Variants in RIC1 observed in about 807,000 individuals in gnomAD.
RIC1 encodes the protein RIC1 partner of RAB6A GEF complex.
Under a neutral mutation model 169.0 loss-of-function variants are expected in RIC1, and 88 were observed. The observed-to-expected ratio is 0.52, with a 90% CI of 0.44 to 0.62. The LOEUF (loss-of-function observed/expected upper bound fraction) is 0.62, where lower values mean the gene tolerates loss of function less well. RIC1 is among the 20% of genes least tolerant of loss of function. The probability of loss-of-function intolerance (pLI) is 0.00; values close to 1 mark genes in which losing one functional copy is unlikely to be tolerated. For missense variants in RIC1, 1,877 were observed against 1,725.5 expected (o/e 1.09, Z -1.56); for synonymous variants, 790 against 601.5 (o/e 1.31, Z -4.59).
chr9:5,632,885 A>C (rs1243272327), intron 1 of RIC1, among the ~76,000 whole-genome samples: 4 of 152,210 alleles, frequency 2.6e-5, no homozygotes, highest in Non-Finnish European at 5.9e-5. Flanking sequence ...GCCATTCTAA[A>C]TTAGATGTAT....
chr9:5,663,380 G>A (rs1280784618), intron 2 of RIC1, among the ~76,000 whole-genome samples: 1 of 152,064 alleles, frequency 6.6e-6, no homozygotes, highest in South Asian at 2.1e-4. Context: ...ATGAATATCT[G>A]TTAATTTTCT....
intron 1 of RIC1, among the ~76,000 whole-genome samples, chr9:5,640,640 A>T (rs1017802899): frequency 1.3e-5 from 2 of 152,200 alleles, no homozygotes; most frequent in African/African-American, 4.8e-5. Flanking sequence ...ACTCAAGTAG[A>T]AGGAGTTATA....
Position 5,763,518 on chromosome 9 carries a change from A to G in RIC1, c.2491A>G (p.Ile831Val). 1 of 1,614,144 alleles carries G rather than the reference A, an allele frequency of 6.2e-7. No individual in the cohort carries two copies. Among genetic ancestry groups the G allele is most frequent in the Non-Finnish European group, 8.5e-7 (1 of 1,180,018 alleles). The change falls in exon 19 of 26, where the codon ATT becomes GTT. Residue 831 changes from isoleucine (I) to valine (V), a missense_variant. Transcript: ENST00000414202. The surrounding 1 kb of genome is among the most constrained non-coding windows in gnomAD (Gnocchi z 5.2). ...AACCTCTCAGATCTACCTCCACCACATTCTACGTCAACTTCTGGTCAGAAA... is the reference window on the plus strand; with the variant it reads ...AACCTCTCAGATCTACCTCCACCACGTTCTACGTCAACTTCTGGTCAGAAA... ...ERTSQIYLHH[I>V]LRQLLVRNLG...
chr9:5,763,794 C>A lies in RIC1; in HGVS notation c.2767C>A (p.Pro923Thr). 6.2e-7 allele frequency: 1 copy of A among 1,614,156 alleles called. No homozygotes were observed. The highest frequency in any genetic ancestry group is 1.1e-5 in the South Asian group (1 of 91,076). Reference sequence around the variant, plus strand: ...TTACCTTTTTGCAGCTGTTGGAAACCCTAAGGACTTGTTTGAGGAGTGTTT... The same window carrying A: ...TTACCTTTTTGCAGCTGTTGGAAACACTAAGGACTTGTTTGAGGAGTGTTT... ...WNYLFAAVGN[P>T]KDLFEECLMA... The change falls in exon 19 of 26, where the codon CCT (proline) becomes ACT (threonine). Residue 923 changes from proline to threonine, a missense_variant. By Grantham distance (38) the Pro-to-Thr change is conservative (BLOSUM62 -1). Around this residue, in one of 3 missense-constraint regions of RIC1, gnomAD observed 92 missense variants for 151.5 expected, o/e 0.61. Coordinates refer to ENST00000414202, the MANE Select transcript of RIC1 (RefSeq NM_020829.4). The surrounding 1 kb of genome is among the most constrained non-coding windows in gnomAD (Gnocchi z 5.2).
chr9:5,771,009 A>G lies in RIC1; in HGVS notation c.3616+731A>G, dbSNP rs545237241. On this transcript the variant is annotated intron_variant, in intron 23 of 25. Coordinates refer to ENST00000414202, the MANE Select transcript of RIC1 (RefSeq NM_020829.4). Reference sequence around the variant, plus strand: ...GTTTGATTATCAGTCTGTCATCACTATTACCTGAGCTTCTGCTATGTGAGG... The same window carrying G: ...GTTTGATTATCAGTCTGTCATCACTGTTACCTGAGCTTCTGCTATGTGAGG... Among the ~76,000 whole-genome samples the G allele has an allele frequency of 2.0e-5, 3 of 152,216 alleles. No individual in the cohort carries two copies. In the East Asian group the frequency reaches 5.8e-4, roughly 29 times the overall value.
At chr9:5,752,778 A>G (rs762820319) in intron 12 of RIC1, among the ~76,000 whole-genome samples, 1 of 152,134 alleles carries the variant, frequency 6.6e-6, no homozygotes, top group Non-Finnish European at 1.5e-5. Context: ...AAGTAATAAA[A>G]ATATTTCCAT....
rs1820908644 is a variant in RIC1, at chr9:5,682,433, G to C, written c.253-7526G>C. ...TCACTTATGAAGCTTAGTTTGGCTG[G>C]ATATGAAATTCTGGGTTGAAAATTC... On this transcript the variant is annotated intron_variant, in intron 2 of 25. Transcript: ENST00000414202. Among the ~76,000 whole-genome samples the C allele has an allele frequency of 2.6e-5, 4 of 152,162 alleles. No individual in the cohort carries two copies. The South Asian group carries it at 8.3e-4, about 32-fold the overall frequency.
intron 1 of RIC1, among the ~76,000 whole-genome samples, chr9:5,648,574 T>G (rs993667809): frequency 6.6e-6 from 1 of 152,202 alleles, no homozygotes; most frequent in East Asian, 1.9e-4. Flanking sequence ...GGTAGTTCTA[T>G]TTTTACTTTT....
chr9:5,767,866 C>T (rs1031485318), intron 21 of RIC1, among the ~76,000 whole-genome samples: 3 of 152,316 alleles, frequency 2.0e-5, no homozygotes, highest in Non-Finnish European at 4.4e-5. Flanking sequence ...GGATTACAGG[C>T]ATGAGCCACC....
intron 1 of RIC1, among the ~76,000 whole-genome samples, chr9:5,653,977 C>T (rs1434306598): frequency 1.3e-5 from 2 of 152,228 alleles, no homozygotes; most frequent in South Asian, 4.2e-4. Context: ...TATTGTGTTA[C>T]ATAGTTTTTT....
intron 2 of RIC1, among the ~76,000 whole-genome samples, chr9:5,662,541 C>A (rs976357569): frequency 4.0e-5 from 6 of 151,354 alleles, no homozygotes; most frequent in Non-Finnish European, 8.8e-5. Flanking sequence ...TTCAGAGATT[C>A]AGTTTCTTCC....
chr9:5,689,843 AGGGAGG>A, intron 2 of RIC1, 110 bp from the exon 3 acceptor site: 1 of 633,446 alleles, frequency 1.6e-6, no homozygotes, highest in Non-Finnish European at 2.7e-6. Context: ...TAATTCTCCA[AGGGAGG>A]GTATTGGAGA....
Position 5,642,704 on chromosome 9 carries a change from C to T in RIC1, c.144+13251C>T, listed in dbSNP as rs550069148. Among the ~76,000 whole-genome samples the T allele has an allele frequency of 1.5e-4, 19 of 128,480 alleles. 4 individuals are homozygous for T. Among genetic ancestry groups the T allele is most frequent in the Non-Finnish European group, 2.4e-4 (15 of 62,086 alleles). The allele number at this position is 128,480 out of a possible 152,430, so 84.3% of individuals were successfully genotyped here. On this transcript the variant is annotated intron_variant, in intron 1 of 25. Coordinates refer to ENST00000414202, the MANE Select transcript of RIC1 (RefSeq NM_020829.4). ...CAGGGCCATAGTGGGTTCTGCCTGG[C>T]CACTGCCGGGCAGTCATCTTCAGGT...
intron 6 of RIC1, among the ~76,000 whole-genome samples, chr9:5,723,845 G>C (rs1222850075): frequency 6.6e-6 from 1 of 152,110 alleles, no homozygotes; most frequent in Non-Finnish European, 1.5e-5. Context: ...TTTTTGTCAG[G>C]TTTGTCAAAG....
intron 12 of RIC1, chr9:5,748,859 G>A (rs997312413): frequency 2.0e-5 from 3 of 152,190 alleles, no homozygotes; most frequent in Non-Finnish European, 4.4e-5. Flanking sequence ...TTAGGACTTT[G>A]GGTACTAGCA....
intron 1 of RIC1, among the ~76,000 whole-genome samples, chr9:5,632,857 A>G (rs1390270639): frequency 6.6e-6 from 1 of 152,208 alleles, no homozygotes; most frequent in Non-Finnish European, 1.5e-5. Flanking sequence ...GAACATCAGA[A>G]TGGTATCTTT....
intron 17 of RIC1, among the ~76,000 whole-genome samples, chr9:5,759,100 C>G (rs370362361): frequency 6.6e-6 from 1 of 152,094 alleles, no homozygotes; most frequent in Non-Finnish European, 1.5e-5. Context: ...GTTCCCATTT[C>G]CTCTGCAAAC....
At chr9:5,701,092 A>C (rs1822188167) in intron 3 of RIC1, among the ~76,000 whole-genome samples, 1 of 152,122 alleles carries the variant, frequency 6.6e-6, no homozygotes, top group African/African-American at 2.4e-5. Context: ...GCTGGGTTCT[A>C]TTTCATTAGT....
In RIC1 at chr9:5,649,298, C is replaced by T. The variant is rs78534837; in HGVS notation, c.145-7285C>T. Among the ~76,000 whole-genome samples the T allele has an allele frequency of 9.2e-3, 1,407 of 152,228 alleles. 18 individuals are homozygous for T. Among genetic ancestry groups the T allele is most frequent in the African/African-American group, 0.032 (1,342 of 41,530 alleles). On this transcript the variant is annotated intron_variant, in intron 1 of 25. Coordinates refer to ENST00000414202, the MANE Select transcript of RIC1 (RefSeq NM_020829.4). The stretch of plus-strand genomic sequence containing the variant: ...AATGTCCATTGGTTCTTTTTCTGCT[C>T]CTTTGATCTTGTCTTTGCCTTCTGT...
Sources: gnomAD v4.1 joint callset for allele counts (sites outside exome capture counted in the v4.1 genomes callset) on GRCh38, gnomAD v4.1.1 for gene constraint, gnomAD v4.1.1 regional missense constraint, Gnocchi (gnomAD v3.1) non-coding constraint, MANE v1.5 for transcripts, NCBI Gene and HGNC (gene_info 2026-07-23, HGNC 2026-07-21) for gene names.